ASH1L: variants seen among roughly 807,000 people sequenced by gnomAD.
The protein encoded by ASH1L is ASH1 like histone lysine methyltransferase.
In ASH1L, 23 loss-of-function variants were observed where a neutral mutation model predicts 269.0. That is an observed-to-expected ratio of 0.09 (90% CI 0.06 to 0.12). The LOEUF is 0.12. Ranked by LOEUF, ASH1L falls within the 10% of genes least tolerant of loss-of-function variation. The pLI is 1.00. For missense variants in ASH1L, 2,912 were observed against 3,567.8 expected (o/e 0.82, Z 4.68); for synonymous variants, 1,187 against 1,253.5 (o/e 0.95, Z 1.12).
intron 3 of ASH1L, among the ~76,000 whole-genome samples, chr1:155,469,475 G>A (rs1007887344): frequency 6.6e-6 from 1 of 152,052 alleles, no homozygotes; most frequent in Admixed American, 6.6e-5. Context: ...GAGCCACCAC[G>A]TCCACCCACT....
chr1:155,554,112 TCTCA>T (rs1159441382), intron 1 of ASH1L, among the ~76,000 whole-genome samples: 2 of 149,814 alleles, frequency 1.3e-5, no homozygotes, highest in Non-Finnish European at 3.0e-5. Context: ...AGAGACAGGG[TCTCA>T]CTCTGTCACA....
At chr1:155,519,708 G>C (rs1668746928) in intron 2 of ASH1L, among the ~76,000 whole-genome samples, 1 of 152,082 alleles carries the variant, frequency 6.6e-6, no homozygotes, top group Non-Finnish European at 1.5e-5. Context: ...GCCCAGGCTG[G>C]AGTGCAGTGG....
intron 2 of ASH1L, among the ~76,000 whole-genome samples, chr1:155,515,924 G>A (rs1306209601): frequency 1.3e-5 from 2 of 151,344 alleles, no homozygotes; most frequent in Non-Finnish European, 2.9e-5. Context: ...ATAACTCGGA[G>A]ATTAGCCTAC....
intron 1 of ASH1L, among the ~76,000 whole-genome samples, chr1:155,523,153 T>C (rs1368655214): frequency 2.6e-5 from 4 of 152,082 alleles, no homozygotes; most frequent in African/African-American, 7.2e-5. Flanking sequence ...ATTTATGAAG[T>C]AGAATATTTT....
chr1:155,384,123 T>C (rs893720909), intron 7 of ASH1L, among the ~76,000 whole-genome samples: 5 of 152,228 alleles, frequency 3.3e-5, no homozygotes, highest in African/African-American at 1.2e-4. Context: ...GCCTATTGTA[T>C]ATATCCATGT....
At chr1:155,454,755 C>T (rs1009499413) in intron 4 of ASH1L, among the ~76,000 whole-genome samples, 1 of 151,856 alleles carries the variant, frequency 6.6e-6, no homozygotes, top group Non-Finnish European at 1.5e-5. Flanking sequence ...GTGACAAGAG[C>T]GAGACTCTGT....
chr1:155,491,618 T>C (rs534316183), intron 2 of ASH1L, among the ~76,000 whole-genome samples: 1 of 152,306 alleles, frequency 6.6e-6, no homozygotes, highest in Admixed American at 6.5e-5. Context: ...GCTTAATCAC[T>C]GCATTAAATA....
At chr1:155,477,849 C>T in intron 3 of ASH1L, 37 bp downstream of exon 3, 2 of 1,523,952 alleles carry the variant, frequency 1.3e-6, no homozygotes, top group South Asian at 2.7e-5. Flanking sequence ...TAACCTATTT[C>T]TTTAACAAAT....
At chr1:155,543,554 GATTT>G (rs1670589276) in intron 1 of ASH1L, among the ~76,000 whole-genome samples, 1 of 148,082 alleles carries the variant, frequency 6.8e-6, no homozygotes, top group Admixed American at 6.7e-5. Context: ...ACAAGGAGAT[GATTT>G]ATTTGATATA....
At position 155,339,463 on chromosome 1, in the gene ASH1L, A is replaced by G; in HGVS notation, c.8461-95T>C. The G allele has an allele frequency of 4.7e-6, 5 of 1,053,782 alleles. No homozygotes were observed. The South Asian group carries it at 5.8e-5, about 12-fold the overall frequency. The allele number at this position is 1,053,782 out of a possible 1,614,324, so 65.3% of individuals were successfully genotyped here. A position where few individuals can be genotyped will look rare whatever the true frequency, so the allele number is the denominator to read the frequency against. ...GTCAGGATAAGGAACACAGTAGGGC[A>G]GTAGACAAGTTGGGTGACTTTGTTT... On this transcript the variant is annotated intron_variant, in intron 25 of 27. Transcript: ENST00000392403.
At chr1:155,349,153 G>A (rs1248164448) in intron 19 of ASH1L, among the ~76,000 whole-genome samples, 174 bp downstream of exon 19, 2 of 151,870 alleles carry the variant, frequency 1.3e-5, no homozygotes, top group East Asian at 3.9e-4. Flanking sequence ...TGTCTTCATA[G>A]ATAGCCTTCT....
intron 4 of ASH1L, among the ~76,000 whole-genome samples, chr1:155,455,645 A>G (rs891658393): frequency 1.4e-4 from 22 of 152,212 alleles, no homozygotes; most frequent in African/African-American, 5.3e-4. Flanking sequence ...ACAATATATG[A>G]GAAAGCTAGG....
intron 4 of ASH1L, among the ~76,000 whole-genome samples, chr1:155,451,525 C>T (rs1222588953): frequency 6.6e-6 from 1 of 151,772 alleles, no homozygotes; most frequent in African/African-American, 2.4e-5. Context: ...TTTGGGAGGC[C>T]AAGGCCAGCG....
At chr1:155,444,014 C>T (rs1276661101) in intron 4 of ASH1L, among the ~76,000 whole-genome samples, 1 of 127,376 alleles carries the variant, frequency 7.9e-6, no homozygotes, top group Admixed American at 9.1e-5. Context: ...GACGGAGTCT[C>T]GCTCTGTCAC....
intron 5 of ASH1L, among the ~76,000 whole-genome samples, chr1:155,424,830 G>A (rs1308757355): frequency 1.3e-5 from 2 of 152,124 alleles, no homozygotes; most frequent in Non-Finnish European, 2.9e-5. Flanking sequence ...ATTTGAGACA[G>A]AGTCTTGCTT....
rs753297401 is a variant in ASH1L at position 155,521,479 on chromosome 1, T to G, written c.41A>C (p.Asp14Ala). The G allele has an allele frequency of 6.2e-7, 1 of 1,614,016 alleles. No homozygotes were observed. Among genetic ancestry groups the G allele is most frequent in the South Asian group, 1.1e-5 (1 of 91,034 alleles). The change falls in exon 2 of 28, where the codon GAT becomes GCT. Residue 14 changes from aspartate (D) to alanine (A), a missense_variant. Coordinates refer to ENST00000392403, the MANE Select transcript of ASH1L (RefSeq NM_018489.3). ...ACTCTTTCTTGAAAAACCTTCGGAA[T>G]CAGAACCCAATCCTAACATAGCAGT... ...RNTAMLGLGS[D>A]SEGFSRKSPS...
chr1:155,438,644 C>T lies in ASH1L; in HGVS notation c.5511G>A (p.Arg1837=). The change falls in exon 5 of 28, where the codon AGG becomes AGA. Residue 1837 remains arginine (R), a synonymous_variant. Transcript: ENST00000392403. ...CAAAGTTATTCCCTGTCCTGGCCTG[C>T]CTTTGAAGTTTTTTGGCTTTTAAGA... ...NKILKAKKLQ[R]QARTGNNFVK... 1 of 1,614,166 alleles carries T rather than the reference C, an allele frequency of 6.2e-7. No homozygotes were observed. Among genetic ancestry groups the T allele is most frequent in the Non-Finnish European group, 8.5e-7 (1 of 1,180,034 alleles).
chr1:155,484,642 A>G (rs1235543573), intron 2 of ASH1L, among the ~76,000 whole-genome samples: 1 of 151,556 alleles, frequency 6.6e-6, no homozygotes, highest in Admixed American at 6.6e-5. Context: ...ACAAACAAGC[A>G]AGCCAGCCAG....
intron 7 of ASH1L, among the ~76,000 whole-genome samples, chr1:155,395,094 G>A (rs916563798): frequency 4.6e-5 from 7 of 152,004 alleles, no homozygotes; most frequent in African/African-American, 1.5e-4. Flanking sequence ...GTGCCACCAC[G>A]TCCAGCTAAT....
Sources: allele counts gnomAD v4.1 joint callset (sites outside exome capture counted in the v4.1 genomes callset), GRCh38; gene constraint gnomAD v4.1.1; transcripts MANE v1.5; gene names NCBI Gene and HGNC (gene_info 2026-07-23, HGNC 2026-07-21).